Variants in ACSL1 observed in about 807,000 individuals in gnomAD.
ACSL1 encodes acyl-CoA synthetase long chain family member 1.
In ACSL1, 41 loss-of-function variants were observed where a neutral mutation model predicts 98.4. The observed-to-expected ratio is 0.42, with a 90% CI of 0.32 to 0.54. The LOEUF (loss-of-function observed/expected upper bound fraction) is 0.54. ACSL1 is among the 20% of genes least tolerant of loss of function. The pLI is 0.13. For synonymous variants in ACSL1, 316 were observed against 322.7 expected (o/e 0.98, Z 0.22); for missense variants, 734 against 883.1 (o/e 0.83, Z 2.14).
At chr4:184,771,272 T>A (rs1351777440) in intron 10 of ACSL1, among the ~76,000 whole-genome samples, 4 of 152,174 alleles carry the variant, frequency 2.6e-5, no homozygotes, top group African/African-American at 9.7e-5. Flanking sequence ...CAGTTAGTAT[T>A]TCATCACTAC....
rs1771826577 is a variant in ACSL1 at position 184,809,603 on chromosome 4, TAACACGGTG to T, written c.-32-6066_-32-6058del. ...GTCAGGAGATCAAGACCATCCTGGC[TAACACGGTG>T]AAACTCCATCTCTACTAAAAATACA... On this transcript the variant is annotated intron_variant, in intron 1 of 20. Transcript: ENST00000281455. Among the ~76,000 whole-genome samples the T allele has an allele frequency of 7.9e-5, 12 of 151,954 alleles. No individual in the cohort carries two copies. In the South Asian group the frequency reaches 2.5e-3, roughly 32 times the overall value.
chr4:184,813,444 C>T (rs893742969), intron 1 of ACSL1, among the ~76,000 whole-genome samples: 4 of 152,132 alleles, frequency 2.6e-5, no homozygotes, highest in East Asian at 3.8e-4. Flanking sequence ...TTTAGGCTGA[C>T]GCAATCCTTC....
chr4:184,805,325 A>G (rs932410015), intron 1 of ACSL1: 5 of 235,410 alleles, frequency 2.1e-5, no homozygotes, highest in Admixed American at 6.5e-5. Context: ...TAATACTACC[A>G]GAACCAACAT....
intron 1 of ACSL1, among the ~76,000 whole-genome samples, chr4:184,820,708 G>A (rs147363872): frequency 0.016 from 2,363 of 152,146 alleles, 57 homozygotes; most frequent in African/African-American, 0.054. Context: ...GGGTTCATGC[G>A]ATTCTCCTGC....
At chr4:184,809,735 G>C (rs188424520) in intron 1 of ACSL1, among the ~76,000 whole-genome samples, 1 of 152,318 alleles carries the variant, frequency 6.6e-6, no homozygotes, top group African/African-American at 2.4e-5. Context: ...AGCGGAGCTT[G>C]CAGTAAGCTG....
Position 184,803,204 on chromosome 4 carries a change from AC to A in ACSL1, c.195+115del. 9.3e-7 allele frequency: 1 copy of A among 1,071,168 alleles called. No homozygotes were observed. Among genetic ancestry groups the A allele is most frequent in the Non-Finnish European group, 1.3e-6 (1 of 779,496 alleles). The allele number at this position is 1,071,168 out of a possible 1,614,324, so 66.4% of individuals were successfully genotyped here. On this transcript the variant is annotated intron_variant, in intron 2 of 20. Coordinates refer to ENST00000281455, the MANE Select transcript of ACSL1 (RefSeq NM_001995.5). The surrounding 1 kb of genome is among the most constrained non-coding windows in gnomAD (Gnocchi z 4.8). ...TCAGTAATTTGGCACATTTCCATTT[AC>A]AAAGTGCAGTTATAAACAAATATTT...
chr4:184,811,248 T>C (rs553449097), intron 1 of ACSL1, among the ~76,000 whole-genome samples: 3 of 151,902 alleles, frequency 2.0e-5, no homozygotes, highest in African/African-American at 7.3e-5. Context: ...AGCTGGAACT[T>C]CAGGCACCCG....
intron 4 of ACSL1, among the ~76,000 whole-genome samples, chr4:184,782,074 G>A (rs963171795): frequency 2.6e-5 from 4 of 152,128 alleles, no homozygotes; most frequent in South Asian, 2.1e-4. Context: ...CAGACTGATC[G>A]TGGTAAGGTG....
intron 12 of ACSL1, chr4:184,768,061 A>C: frequency 4.2e-6 from 2 of 477,872 alleles, no homozygotes; most frequent in Non-Finnish European, 7.2e-6. Flanking sequence ...TGTAAAAATA[A>C]AATGACCTCC....
At chr4:184,811,373 A>G (rs866218176) in intron 1 of ACSL1, among the ~76,000 whole-genome samples, 12 of 152,158 alleles carry the variant, frequency 7.9e-5, no homozygotes, top group East Asian at 5.8e-4. Context: ...TGGCCTCCCA[A>G]AGTGCTGGGA....
chr4:184,769,018 G>C (rs1340433985), intron 11 of ACSL1, among the ~76,000 whole-genome samples: 1 of 151,956 alleles, frequency 6.6e-6, no homozygotes, highest in Non-Finnish European at 1.5e-5. Context: ...GCAGTGGGCT[G>C]AGATTGTGCC....
At position 184,773,146 on chromosome 4, in the gene ACSL1, TG is replaced by T; in HGVS notation, c.849del (p.Gly285GlufsTer9). 6.2e-7 allele frequency: 1 copy of T among 1,613,678 alleles called. No individual in the cohort carries two copies. Among genetic ancestry groups the T allele is most frequent in the Non-Finnish European group, 8.5e-7 (1 of 1,179,620 alleles). ...ICFTSGTTGN[P>X]KGAMVTHRNI... is the part of the protein sequence containing the mutation. ...TTTCGGTGAGTGACCATTGCTCCTTTGGGGTTGCCTGTGGAGCACATATGAA... is the reference window on the plus strand; with the variant it reads ...TTTCGGTGAGTGACCATTGCTCCTTTGGGTTGCCTGTGGAGCACATATGAA... On this transcript the variant is annotated frameshift_variant, in exon 10 of 21. Coordinates refer to ENST00000281455, the MANE Select transcript of ACSL1 (RefSeq NM_001995.5). LOFTEE classifies it high-confidence loss of function. The surrounding 1 kb of genome is among the most constrained non-coding windows in gnomAD (Gnocchi z 4.3).
intron 11 of ACSL1, among the ~76,000 whole-genome samples, chr4:184,769,876 C>G (rs1026904075): frequency 2.0e-5 from 3 of 152,218 alleles, no homozygotes; most frequent in Non-Finnish European, 4.4e-5. Context: ...GGAGCCTAGG[C>G]AAAGGTCAAC....
intron 1 of ACSL1, chr4:184,808,368 C>G (rs1397343762): frequency 6.1e-6 from 6 of 985,320 alleles, no homozygotes; most frequent in Non-Finnish European, 7.2e-6. Context: ...TTCTAAAGTT[C>G]CTCAAGCTTT....
intron 3 of ACSL1, among the ~76,000 whole-genome samples, chr4:184,787,552 A>T (rs1767600301): frequency 6.6e-6 from 1 of 152,052 alleles, no homozygotes. Context: ...GGGTAGAAAG[A>T]GGCTTTATGA....
At chr4:184,788,285 G>T (rs1307576251) in intron 3 of ACSL1, 2 of 395,972 alleles carry the variant, frequency 5.1e-6, no homozygotes, top group East Asian at 6.3e-5. Context: ...GGTCAAGTAA[G>T]CATGAAAAAT....
chr4:184,801,834 T>C (rs1249694701), intron 2 of ACSL1, among the ~76,000 whole-genome samples: 1 of 152,272 alleles, frequency 6.6e-6, no homozygotes, highest in Non-Finnish European at 1.5e-5. Flanking sequence ...CAAGGCACAA[T>C]GCCTTTATGC....
chr4:184,771,265 T>G (rs972402537), intron 10 of ACSL1, among the ~76,000 whole-genome samples: 2 of 152,190 alleles, frequency 1.3e-5, no homozygotes, highest in African/African-American at 4.8e-5. Flanking sequence ...CTCTAATCAG[T>G]TAGTATTTCA....
intron 10 of ACSL1, among the ~76,000 whole-genome samples, chr4:184,772,499 A>C (rs1764655451): frequency 6.6e-6 from 1 of 152,218 alleles, no homozygotes; most frequent in Non-Finnish European, 1.5e-5. Context: ...TATGGACTGA[A>C]TCACATCACC....
Sources: allele counts gnomAD v4.1 joint callset (sites outside exome capture counted in the v4.1 genomes callset), GRCh38; gene constraint gnomAD v4.1.1; non-coding constraint Gnocchi (gnomAD v3.1); transcripts MANE v1.5; gene names NCBI Gene and HGNC (gene_info 2026-07-23, HGNC 2026-07-21).